Variants in MSRA observed in about 807,000 individuals in gnomAD.
MSRA encodes the protein methionine sulfoxide reductase A, also known as mitochondrial peptide methionine sulfoxide reductase.
A neutral mutation model predicts 31.3 loss-of-function variants in MSRA; 54 were observed. The ratio of observed to expected loss-of-function variants is 1.73; its 90% confidence interval spans 1.39 to 2.17. MSRA has a LOEUF of 2.17. Ranked by LOEUF, MSRA falls within the 30% of genes most tolerant of loss-of-function variation. The pLI is 0.00. For synonymous variants in MSRA, 169 were observed against 116.5 expected (o/e 1.45, Z -2.90); for missense variants, 507 against 300.9 (o/e 1.69, Z -5.07).
intron 3 of MSRA, among the ~76,000 whole-genome samples, chr8:10,249,416 G>A (rs1797801606): frequency 1.3e-5 from 2 of 152,218 alleles, no homozygotes; most frequent in Non-Finnish European, 2.9e-5. Context: ...CAAGGCTTCA[G>A]TTGCCTCCTG....
At chr8:10,256,947 A>C (rs1419456162) in intron 3 of MSRA, among the ~76,000 whole-genome samples, 1 of 152,202 alleles carries the variant, frequency 6.6e-6, no homozygotes, top group Non-Finnish European at 1.5e-5. Context: ...TAGTTTGTTT[A>C]TCTTCTAGGC....
At position 10,301,624 on chromosome 8, in the gene MSRA, A is replaced by T; in HGVS notation, c.422A>T (p.His141Leu). The change falls in exon 4 of 6, where the codon CAC (histidine) becomes CTC (leucine). Residue 141 changes from histidine (H) to leucine (L), a missense_variant. By Grantham distance (99) the His-to-Leu change is moderately conservative. Transcript: ENST00000317173. ...CTGCTCAAGGTCTTCTGGGAGAATC[A>T]CGACCCGACCCAAGGTAGAGTGATG... ...EELLKVFWENHDPTQGMRQGN... is the reference protein window; with the variant it reads ...EELLKVFWENLDPTQGMRQGN... The T allele has an allele frequency of 6.2e-7, 1 of 1,613,974 alleles. No homozygotes were observed. Among genetic ancestry groups the T allele is most frequent in the African/African-American group, 1.3e-5 (1 of 75,010 alleles).
At chr8:10,285,664 C>T (rs370612139) in intron 3 of MSRA, among the ~76,000 whole-genome samples, 8 of 151,972 alleles carry the variant, frequency 5.3e-5, no homozygotes, top group African/African-American at 1.2e-4. Flanking sequence ...ACTCCTTCCC[C>T]GCCTCTGGTA....
Position 10,307,322 on chromosome 8 carries a change from A to G in MSRA, c.436+5684A>G, listed in dbSNP as rs114236234. Among the ~76,000 whole-genome samples, 569 of 152,204 alleles carry G rather than the reference A, an allele frequency of 3.7e-3. 3 individuals carry two copies. Among genetic ancestry groups the G allele is most frequent in the African/African-American group, 0.013 (545 of 41,528 alleles). On this transcript the variant is annotated intron_variant, in intron 4 of 5. Coordinates refer to ENST00000317173, the MANE Select transcript of MSRA (RefSeq NM_012331.5). ...GCTAGGATGACAGGTGCACGCCACC[A>G]TGCCCAACTTATTTTTTGTATTTTT...
chr8:10,244,467 T>G (rs1585258645), intron 2 of MSRA, among the ~76,000 whole-genome samples: 1 of 152,204 alleles, frequency 6.6e-6, no homozygotes, highest in Non-Finnish European at 1.5e-5. Context: ...GTTTGTTTAT[T>G]GTTGTCATTC....
chr8:10,129,917 T>C (rs2129023891), intron 1 of MSRA, among the ~76,000 whole-genome samples: 1 of 152,298 alleles, frequency 6.6e-6, no homozygotes, highest in South Asian at 2.1e-4. Flanking sequence ...CATACATATC[T>C]ATATATAAAA....
intron 3 of MSRA, among the ~76,000 whole-genome samples, chr8:10,292,900 G>C (rs1800322323): frequency 6.6e-6 from 1 of 152,160 alleles, no homozygotes; most frequent in African/African-American, 2.4e-5. Context: ...GGGGAAACCA[G>C]GTTGCTGTCA....
intron 2 of MSRA, among the ~76,000 whole-genome samples, chr8:10,238,954 G>A (rs1478252462): frequency 2.6e-5 from 4 of 151,956 alleles, no homozygotes; most frequent in Non-Finnish European, 5.9e-5. Flanking sequence ...ATAAGTGAAG[G>A]GAAAAGCAAA....
Position 10,305,545 on chromosome 8 carries a change from C to T in MSRA, c.436+3907C>T, listed in dbSNP as rs1437467420. Among the ~76,000 whole-genome samples, 4 of 151,718 alleles carry T rather than the reference C, an allele frequency of 2.6e-5. No individual in the cohort carries two copies. The South Asian group carries it at 8.3e-4, about 31-fold the overall frequency. On this transcript the variant is annotated intron_variant, in intron 4 of 5. Transcript: ENST00000317173. ...TCTCCTGCCTCAGCCTCCTGAGTAGCTTGGATTACAGGCATCCGCCACCAC... is the reference window on the plus strand; with the variant it reads ...TCTCCTGCCTCAGCCTCCTGAGTAGTTTGGATTACAGGCATCCGCCACCAC...
chr8:10,098,061 C>G (rs533622364), intron 1 of MSRA, among the ~76,000 whole-genome samples: 2 of 151,934 alleles, frequency 1.3e-5, no homozygotes, highest in African/African-American at 4.8e-5. Flanking sequence ...TAAGAAGTTG[C>G]GTTGATTACA....
At chr8:10,303,778 G>A (rs1051954146) in intron 4 of MSRA, among the ~76,000 whole-genome samples, 2 of 152,158 alleles carry the variant, frequency 1.3e-5, no homozygotes, top group African/African-American at 4.8e-5. Context: ...CCTCCGTCAG[G>A]AACCTCTACT....
At chr8:10,072,630 A>C (rs1466047229) in intron 1 of MSRA, among the ~76,000 whole-genome samples, 5 of 152,222 alleles carry the variant, frequency 3.3e-5, no homozygotes, top group African/African-American at 1.2e-4. Context: ...CATCAGAATA[A>C]ACTCTCTGTC....
At chr8:10,220,306 C>G (rs1810378939) in intron 2 of MSRA, among the ~76,000 whole-genome samples, 1 of 152,206 alleles carries the variant, frequency 6.6e-6, no homozygotes, top group Non-Finnish European at 1.5e-5. Context: ...GGATGTCTTT[C>G]TGATGGAGGT....
chr8:10,326,870 G>C (rs1352882679), intron 5 of MSRA, among the ~76,000 whole-genome samples: 1 of 152,218 alleles, frequency 6.6e-6, no homozygotes, highest in African/African-American at 2.4e-5. Flanking sequence ...GCCTCCGGTA[G>C]AGTGAGGGTG....
In MSRA at chr8:10,385,472, CAT is replaced by C. The variant is rs1256812542; in HGVS notation, c.544-42675_544-42674del. Among the ~76,000 whole-genome samples the C allele has an allele frequency of 3.3e-5, 5 of 152,142 alleles. No homozygotes were observed. In the East Asian group the frequency reaches 9.6e-4, roughly 29 times the overall value. On this transcript the variant is annotated intron_variant, in intron 5 of 5. Coordinates refer to ENST00000317173, the MANE Select transcript of MSRA (RefSeq NM_012331.5). ...ACATGGCGGGTGGAAGCCTGTGGCA[CAT>C]GTGGGGCAGAGGGCAGGGCTGAAAG... is the stretch of plus-strand genomic sequence containing the variant.
At chr8:10,250,587 A>G (rs978151282) in intron 3 of MSRA, 1 of 659,270 alleles carries the variant, frequency 1.5e-6, no homozygotes, top group African/African-American at 1.8e-5. Context: ...TTCCTTATCA[A>G]CAGAATACTC....
chr8:10,359,267 G>C (rs1804699683), intron 5 of MSRA, among the ~76,000 whole-genome samples: 1 of 152,000 alleles, frequency 6.6e-6, no homozygotes, highest in South Asian at 2.1e-4. Context: ...CTTTCTCTGA[G>C]TTCCTTCTTA....
intron 1 of MSRA, among the ~76,000 whole-genome samples, chr8:10,085,595 T>C (rs1216943291): frequency 6.6e-6 from 1 of 152,232 alleles, no homozygotes; most frequent in Non-Finnish European, 1.5e-5. Flanking sequence ...TGTGTCCATA[T>C]TGAGGTATCA....
At chr8:10,215,525 G>C (rs981316522) in intron 2 of MSRA, among the ~76,000 whole-genome samples, 2 of 152,172 alleles carry the variant, frequency 1.3e-5, no homozygotes, top group East Asian at 3.9e-4. Context: ...ACATCACTAG[G>C]CTCTATGGGA....
Sources: allele counts gnomAD v4.1 joint callset (sites outside exome capture counted in the v4.1 genomes callset), GRCh38; gene constraint gnomAD v4.1.1; transcripts MANE v1.5; gene names NCBI Gene and HGNC (gene_info 2026-07-23, HGNC 2026-07-21).